Variants in GAB2 observed in about 807,000 individuals in gnomAD.
The protein encoded by GAB2 is GRB2-associated-binding protein 2.
A neutral mutation model predicts 65.5 loss-of-function variants in GAB2; 26 were observed. That is an observed-to-expected ratio of 0.40 (90% CI 0.29 to 0.55). The LOEUF is 0.55. GAB2 is among the 20% of genes least tolerant of loss of function. The probability of loss-of-function intolerance (pLI) is 0.53; values close to 1 mark genes in which losing one functional copy is unlikely to be tolerated. For synonymous variants in GAB2, 321 were observed against 329.6 expected (o/e 0.97, Z 0.28); for missense variants, 884 against 875.8 (o/e 1.01, Z -0.12).
At chr11:78,416,983 C>A (rs1857205572) in intron 1 of GAB2, among the ~76,000 whole-genome samples, 1 of 152,002 alleles carries the variant, frequency 6.6e-6, no homozygotes, top group Non-Finnish European at 1.5e-5. Context: ...CAAACCCGGG[C>A]CAGCCACGGG....
At chr11:78,392,560 A>C (rs975937860) in intron 1 of GAB2, among the ~76,000 whole-genome samples, 4 of 152,160 alleles carry the variant, frequency 2.6e-5, no homozygotes, top group Admixed American at 1.3e-4. Context: ...GTATTCAGTA[A>C]CTTTGTGGAA....
chr11:78,229,551 A>C (rs1262884902), intron 3 of GAB2, among the ~76,000 whole-genome samples: 2 of 152,170 alleles, frequency 1.3e-5, no homozygotes, highest in Non-Finnish European at 2.9e-5. Flanking sequence ...CAGTTACTCA[A>C]GCCAGAAACC....
At chr11:78,340,068 C>T (rs147503456) in intron 1 of GAB2, among the ~76,000 whole-genome samples, 210 of 152,290 alleles carry the variant, frequency 1.4e-3, no homozygotes, top group Non-Finnish European at 1.8e-3. Context: ...AAAGAACAAG[C>T]AGTTGTGTTG....
In GAB2 at chr11:78,280,791, G is replaced by A. The variant is rs1297664575; in HGVS notation, c.186C>T (p.Asn62=). The A allele has an allele frequency of 6.2e-7, 1 of 1,614,158 alleles. No individual in the cohort carries two copies. The highest frequency in any genetic ancestry group is 1.1e-5 in the South Asian group (1 of 91,082). The change falls in exon 2 of 10, where the codon AAC becomes AAT. Residue 62 remains asparagine, a synonymous_variant. Coordinates refer to ENST00000361507, the MANE Select transcript of GAB2 (RefSeq NM_080491.3). The part of the protein sequence containing the change: ...DHSKKPLRII[N]LNFCEQVDAG... ...CATCTACCTGCTCACAGAAGTTCAGGTTGATGATCCGCAGAGGCTTCTTGG... is the reference window on the plus strand; with the variant it reads ...CATCTACCTGCTCACAGAAGTTCAGATTGATGATCCGCAGAGGCTTCTTGG...
chr11:78,245,504 G>A (rs1028937530), intron 3 of GAB2, among the ~76,000 whole-genome samples: 12 of 152,204 alleles, frequency 7.9e-5, no homozygotes, highest in Non-Finnish European at 1.5e-4. Flanking sequence ...CAAAACTGAA[G>A]GTGAAATTAA....
At chr11:78,382,327 G>T (rs962087316) in intron 1 of GAB2, among the ~76,000 whole-genome samples, 4 of 151,744 alleles carry the variant, frequency 2.6e-5, no homozygotes, top group Non-Finnish European at 5.9e-5. Context: ...CTCAATAAAA[G>T]CCTACAATTC....
At chr11:78,300,188 A>G (rs1410364836) in intron 1 of GAB2, among the ~76,000 whole-genome samples, 1 of 152,130 alleles carries the variant, frequency 6.6e-6, no homozygotes, top group Non-Finnish European at 1.5e-5. Flanking sequence ...TTTCTAGAAC[A>G]TCACAAAAAA....
At chr11:78,318,045 G>C in intron 1 of GAB2, 1 of 151,992 alleles carries the variant, frequency 6.6e-6, no homozygotes, top group Non-Finnish European at 1.5e-5. Flanking sequence ...ATATACAAAA[G>C]GAAGATAATT....
At chr11:78,317,920 C>A (rs1274522873) in intron 1 of GAB2, among the ~76,000 whole-genome samples, 2 of 152,016 alleles carry the variant, frequency 1.3e-5, no homozygotes, top group African/African-American at 4.8e-5. Flanking sequence ...AAACTAAGAA[C>A]ACATTGAAGG....
chr11:78,417,503 C>CGCCCCCGGCCGCTCCTCGCCCCCG (rs1857214312), intron 1 of GAB2, 143 bp downstream of exon 1: 1 of 265,782 alleles, frequency 3.8e-6, no homozygotes. Flanking sequence ...GTGCCCCACA[C>CGCCCCCGGCCGCTCCTCGCCCCCG]GCCCCCGGCC....
chr11:78,316,367 G>T (rs1305892199), intron 1 of GAB2, among the ~76,000 whole-genome samples: 1 of 151,974 alleles, frequency 6.6e-6, no homozygotes, highest in Non-Finnish European at 1.5e-5. Flanking sequence ...CATATTATTA[G>T]TTCTGTCCCT....
chr11:78,367,306 A>G lies in GAB2; in HGVS notation c.75+50340T>C, dbSNP rs566789881. 7.2e-5 allele frequency among the ~76,000 whole-genome samples: 11 copies of G among 152,348 alleles called. No individual in the cohort carries two copies. In the South Asian group the frequency reaches 2.3e-3, roughly 32 times the overall value. On this transcript the variant is annotated intron_variant, in intron 1 of 9. Transcript: ENST00000361507. The stretch of plus-strand genomic sequence containing the variant: ...CAAAAATCCTGCCTTCGAAGGGCAT[A>G]TGGTCTGGAAGTGTAAAGGGTCAGG...
At chr11:78,235,441 T>C (rs143337160) in intron 3 of GAB2, among the ~76,000 whole-genome samples, 1,724 of 152,256 alleles carry the variant, frequency 0.011, 30 homozygotes, top group African/African-American at 0.032. Context: ...CTTGAGCCAC[T>C]GCGCCCGGCT....
chr11:78,230,822 C>A (rs562780070), intron 3 of GAB2, among the ~76,000 whole-genome samples: 1 of 152,236 alleles, frequency 6.6e-6, no homozygotes, highest in Non-Finnish European at 1.5e-5. Context: ...AATGTGGTCC[C>A]TTTGGGCAAT....
At chr11:78,324,712 AG>A (rs1381698491) in intron 1 of GAB2, 1 of 152,220 alleles carries the variant, frequency 6.6e-6, no homozygotes, top group African/African-American at 2.4e-5. Flanking sequence ...TTTTCCAGAT[AG>A]TGTAGCTGAG....
chr11:78,249,274 T>A (rs908501151), intron 3 of GAB2, among the ~76,000 whole-genome samples: 2 of 152,238 alleles, frequency 1.3e-5, no homozygotes, highest in Non-Finnish European at 2.9e-5. Flanking sequence ...AGATTATGTA[T>A]GAAAATATTC....
intron 1 of GAB2, among the ~76,000 whole-genome samples, chr11:78,331,815 C>T (rs1465750588): frequency 6.6e-6 from 1 of 152,112 alleles, no homozygotes; most frequent in Non-Finnish European, 1.5e-5. Flanking sequence ...GATGGAAAAC[C>T]AGTGGCTGCC....
intron 1 of GAB2, among the ~76,000 whole-genome samples, chr11:78,306,530 C>T (rs1046356164): frequency 1.3e-5 from 2 of 152,194 alleles, no homozygotes; most frequent in African/African-American, 4.8e-5. Flanking sequence ...CTGCGCCCGG[C>T]CCCTATATAC....
At chr11:78,231,957 A>C (rs1176413669) in intron 3 of GAB2, 6 of 152,206 alleles carry the variant, frequency 3.9e-5, no homozygotes, top group Non-Finnish European at 7.3e-5. Context: ...ACCCATTCCA[A>C]ATGGATCCTT....
Sources: allele counts gnomAD v4.1 joint callset (sites outside exome capture counted in the v4.1 genomes callset), GRCh38; gene constraint gnomAD v4.1.1; transcripts MANE v1.5; gene names NCBI Gene and HGNC (gene_info 2026-07-23, HGNC 2026-07-21).